PRRG1: variants seen among roughly 807,000 people sequenced by gnomAD.
The protein encoded by PRRG1 is transmembrane gamma-carboxyglutamic acid protein 1.
PRRG1 carries 5 observed loss-of-function variants against 11.8 expected under a neutral mutation model. The ratio of observed to expected loss-of-function variants is 0.42; its 90% CI spans 0.22 to 0.89. The LOEUF is 0.89. Among genes scored for constraint, PRRG1 ranks in the 40% least tolerant of loss-of-function variants. The pLI is 0.28. For missense variants in PRRG1, 155 were observed against 166.1 expected (o/e 0.93, Z 0.37); for synonymous variants, 66 against 60.4 (o/e 1.09, Z -0.43).
intron 1 of PRRG1, chrX:37,403,817 T>C (rs1285816678): frequency 1.4e-6 from 1 of 692,766 alleles, no homozygotes; most frequent in Non-Finnish European, 1.7e-6. Flanking sequence ...TGAGGTGATA[T>C]GGGTATTAGG....
intron 3 of PRRG1, among the ~76,000 whole-genome samples, chrX:37,428,524 C>T (rs1373058385): frequency 8.9e-6 from 1 of 112,147 alleles, no homozygotes; most frequent in African/African-American, 3.2e-5. Context: ...CTCCATGCCT[C>T]ATGTCCAGGT....
intron 1 of PRRG1, among the ~76,000 whole-genome samples, chrX:37,383,600 C>T (rs948280487): frequency 9.0e-6 from 1 of 111,254 alleles, no homozygotes; most frequent in Non-Finnish European, 1.9e-5. Context: ...AATGATTTCT[C>T]AATGTCATTT....
At chrX:37,428,894 T>C (rs373428731) in intron 3 of PRRG1, among the ~76,000 whole-genome samples, 149 of 112,854 alleles carry the variant, frequency 1.3e-3, no homozygotes, top group African/African-American at 4.4e-3. Context: ...AGGCAGGGAT[T>C]CCCAAACCTC....
intron 3 of PRRG1, among the ~76,000 whole-genome samples, chrX:37,445,133 A>G (rs1159743196): frequency 4.5e-5 from 5 of 111,905 alleles, no homozygotes; most frequent in Non-Finnish European, 7.5e-5. Flanking sequence ...TGATAACATA[A>G]CTAAAATCGA....
chrX:37,399,288 A>G (rs1350451791), intron 1 of PRRG1, among the ~76,000 whole-genome samples: 1 of 112,103 alleles, frequency 8.9e-6, no homozygotes, highest in African/African-American at 3.3e-5. Context: ...ATCTCTTGGC[A>G]GAAACTCTAC....
chrX:37,391,005 C>T (rs143874075), intron 1 of PRRG1, among the ~76,000 whole-genome samples: 35 of 111,967 alleles, frequency 3.1e-4, no homozygotes, highest in African/African-American at 1.1e-3. Flanking sequence ...CTGAACCCAC[C>T]CCCAAGGGCC....
chrX:37,381,405 A>T (rs782134897), intron 1 of PRRG1, among the ~76,000 whole-genome samples: 3 of 112,199 alleles, frequency 2.7e-5, no homozygotes, highest in African/African-American at 9.7e-5. Context: ...GACATCATTC[A>T]TTACATTTCT....
chrX:37,383,689 A>G (rs782099817), intron 1 of PRRG1, among the ~76,000 whole-genome samples: 1 of 111,470 alleles, frequency 9.0e-6, no homozygotes, highest in African/African-American at 3.2e-5. Context: ...TGAATTGTCT[A>G]TATTGACCTC....
chrX:37,440,176 C>T (rs1932950114), intron 3 of PRRG1, among the ~76,000 whole-genome samples: 1 of 111,670 alleles, frequency 9.0e-6, no homozygotes, highest in African/African-American at 3.3e-5. Flanking sequence ...ATCTTTAGAC[C>T]AGTATTTTAA....
intron 3 of PRRG1, among the ~76,000 whole-genome samples, chrX:37,426,786 T>A (rs781918566): frequency 4.4e-5 from 5 of 112,529 alleles, no homozygotes; most frequent in Admixed American, 9.4e-5. Flanking sequence ...ACGGTTGACC[T>A]TTTATTTTCT....
In PRRG1 at chrX:37,407,072, A is replaced by G. The variant is rs1474125810; in HGVS notation, c.10+813A>G. Among the ~76,000 whole-genome samples the G allele has an allele frequency of 2.7e-5, 3 of 112,113 alleles. No individual in the cohort carries two copies. In the East Asian group the frequency reaches 8.4e-4, roughly 31 times the overall value. ...TCTTTCTATGTAAGGCTTACTGCAT[A>G]GTTACAATGACCTGATTGATCCGGG... On this transcript the variant is annotated intron_variant, in intron 2 of 3. Coordinates refer to ENST00000378628, the MANE Select transcript of PRRG1 (RefSeq NM_001142395.2).
At position 37,383,281 on chromosome X, in the gene PRRG1, T is replaced by C. The variant is rs535483618; in HGVS notation, c.-41-22928T>C. Among the ~76,000 whole-genome samples the C allele has an allele frequency of 6.3e-5, 7 of 111,687 alleles. No individual in the cohort carries two copies. The South Asian group carries it at 2.5e-3, about 41-fold the overall frequency. On this transcript the variant is annotated intron_variant, in intron 1 of 3. Transcript: ENST00000378628. ...AATTTTTTGTTGAGACAAATTTCCT[T>C]TGAATAATTTTTAATGATATTTATA... is the stretch of plus-strand genomic sequence containing the variant.
chrX:37,381,015 G>A (rs935810742), intron 1 of PRRG1, among the ~76,000 whole-genome samples: 1 of 111,502 alleles, frequency 9.0e-6, no homozygotes, highest in African/African-American at 3.3e-5. Flanking sequence ...TAATTCTTTA[G>A]AATGGAACAA....
intron 3 of PRRG1, among the ~76,000 whole-genome samples, chrX:37,442,421 A>T (rs1932999261): frequency 9.5e-6 from 1 of 105,414 alleles, no homozygotes; most frequent in South Asian, 4.6e-4. Context: ...TCTTCCCCTT[A>T]TAAACTCTGA....
intron 1 of PRRG1, among the ~76,000 whole-genome samples, chrX:37,382,241 G>A (rs908422291): frequency 9.0e-6 from 1 of 111,287 alleles, no homozygotes; most frequent in Admixed American, 9.6e-5. Context: ...GAGGCAGGCT[G>A]GTTAAATTAA....
At chrX:37,419,902 C>T (rs1276448169) in intron 2 of PRRG1, among the ~76,000 whole-genome samples, 2 of 111,959 alleles carry the variant, frequency 1.8e-5, no homozygotes, top group Admixed American at 1.9e-4. Flanking sequence ...CCAGACTTGA[C>T]CAAGGAGACC....
intron 1 of PRRG1, among the ~76,000 whole-genome samples, chrX:37,380,475 A>G (rs1206414985): frequency 9.0e-6 from 1 of 111,343 alleles, no homozygotes; most frequent in Non-Finnish European, 1.9e-5. Flanking sequence ...TCTGTAACCA[A>G]ACTAAGCCTT....
At chrX:37,366,067 A>G (rs2086272633) in intron 1 of PRRG1, among the ~76,000 whole-genome samples, 1 of 112,613 alleles carries the variant, frequency 8.9e-6, no homozygotes, top group Middle Eastern at 4.7e-3. Flanking sequence ...ATGTTATTCT[A>G]GTACTTCTGG....
chrX:37,362,314 G>C (rs1930438388), intron 1 of PRRG1, among the ~76,000 whole-genome samples: 1 of 110,357 alleles, frequency 9.1e-6, no homozygotes, highest in South Asian at 3.8e-4. Context: ...TTATATACTT[G>C]ACCTTTGCAA....
Sources: gnomAD v4.1 joint callset for allele counts (sites outside exome capture counted in the v4.1 genomes callset) on GRCh38, gnomAD v4.1.1 for gene constraint, MANE v1.5 for transcripts, NCBI Gene and HGNC (gene_info 2026-07-23, HGNC 2026-07-21) for gene names.